The following KAT7 variants were observed in gnomAD, a reference collection of about 807,000 sequenced individuals.
KAT7 encodes histone acetyltransferase KAT7.
KAT7 carries 10 observed loss-of-function variants against 82.1 expected under a neutral mutation model. The ratio of observed to expected loss-of-function variants is 0.12; its 90% CI spans 0.08 to 0.21. The LOEUF (loss-of-function observed/expected upper bound fraction) is 0.21, where lower values mean the gene tolerates loss of function less well. KAT7 is among the 10% of genes least tolerant of loss of function. The probability of loss-of-function intolerance (pLI) is 1.00; values close to 1 mark genes in which losing one functional copy is unlikely to be tolerated. For missense variants in KAT7, 378 were observed against 760.9 expected, an observed-to-expected ratio of 0.50 and a Z score of 5.92; for synonymous variants, 250 against 262.5, an observed-to-expected ratio of 0.95 and a Z score of 0.46.
intron 9 of KAT7, 74 bp from the exon 10 acceptor site, chr17:49,821,263 A>G: frequency 2.7e-6 from 3 of 1,114,342 alleles, no homozygotes; most frequent in South Asian, 1.3e-5. Context: ...TTGACCTGTC[A>G]TTCCTTTTCC....
At chr17:49,818,167 G>T (rs1209319690) in intron 9 of KAT7, among the ~76,000 whole-genome samples, 156 bp downstream of exon 9, 2 of 152,118 alleles carry the variant, frequency 1.3e-5, no homozygotes, top group African/African-American at 4.8e-5. Context: ...AGCTTAAGGC[G>T]GGGTATAGAG....
chr17:49,800,447 A>C (rs1278050266), intron 4 of KAT7, among the ~76,000 whole-genome samples: 1 of 152,194 alleles, frequency 6.6e-6, no homozygotes, highest in Non-Finnish European at 1.5e-5. Flanking sequence ...TGGAATAAAT[A>C]ATGAGAAAAA....
chr17:49,806,577 T>C (rs1239738126), intron 5 of KAT7, among the ~76,000 whole-genome samples: 1 of 152,172 alleles, frequency 6.6e-6, no homozygotes, highest in East Asian at 1.9e-4. Flanking sequence ...TACTTCTTTC[T>C]CAGAAAATAA....
At chr17:49,803,759 A>G (rs1425431924) in intron 4 of KAT7, among the ~76,000 whole-genome samples, 1 of 152,164 alleles carries the variant, frequency 6.6e-6, no homozygotes, top group Non-Finnish European at 1.5e-5. Context: ...TCCCGGAGAA[A>G]TGATGGCCTG....
At chr17:49,806,302 A>G (rs544906958) in intron 5 of KAT7, among the ~76,000 whole-genome samples, 1 of 152,320 alleles carries the variant, frequency 6.6e-6, no homozygotes, top group South Asian at 2.1e-4. Flanking sequence ...TCTCTTATTT[A>G]CAGGTAGACC....
At chr17:49,795,453 C>A in intron 2 of KAT7, 1 of 245,308 alleles carries the variant, frequency 4.1e-6, no homozygotes, top group South Asian at 7.1e-5. Context: ...GTGGTGGAAC[C>A]AAACCCGTTC....
intron 2 of KAT7, among the ~76,000 whole-genome samples, chr17:49,792,592 C>T (rs1467420745): frequency 1.3e-5 from 2 of 152,134 alleles, no homozygotes; most frequent in Non-Finnish European, 1.5e-5. Context: ...TAACTCCAGT[C>T]AGTGAGCCGT....
intron 13 of KAT7, 95 bp downstream of exon 13, chr17:49,826,241 A>G (rs1361839329): frequency 1.2e-5 from 15 of 1,272,192 alleles, no homozygotes; most frequent in Non-Finnish European, 1.7e-5. Context: ...CGGAAGGCCC[A>G]CTGAATATGG....
rs565886660 is a variant in KAT7 at position 49,828,612 on chromosome 17, G to T, written c.*1110G>T. 1 of 152,542 alleles carries T rather than the reference G, an allele frequency of 6.6e-6. No individual in the cohort carries two copies. Among genetic ancestry groups the T allele is most frequent in the African/African-American group, 2.4e-5 (1 of 41,374 alleles). The allele number at this position is 152,542 out of a possible 1,614,324, so 9.4% of individuals were successfully genotyped here. A position where few individuals can be genotyped will look rare whatever the true frequency, so the allele number is the denominator to read the frequency against. On this transcript the variant is annotated 3_prime_UTR_variant, in exon 15 of 15. Coordinates refer to ENST00000259021, the MANE Select transcript of KAT7 (RefSeq NM_007067.5). ...GATTAAAGTGCTTCTGCCCTTCCAC[G>T]AACTCCTCCTCCATTTCCTTTTTGG...
In KAT7 at chr17:49,812,482, C is replaced by T. The variant is rs192216482; in HGVS notation, c.852+908C>T. On this transcript the variant is annotated intron_variant, in intron 7 of 14. Coordinates refer to ENST00000259021, the MANE Select transcript of KAT7 (RefSeq NM_007067.5). ...TCAGGTAATCTGCCCACCTCGGCCT[C>T]CCAAAGTGTTGGGATTACAGGCGTG... 8.5e-5 allele frequency among the ~76,000 whole-genome samples: 13 copies of T among 152,166 alleles called. No individual in the cohort carries two copies. In the East Asian group the frequency reaches 2.5e-3, roughly 30 times the overall value.
intron 4 of KAT7, among the ~76,000 whole-genome samples, chr17:49,801,829 T>C (rs2143882548): frequency 6.6e-6 from 1 of 151,974 alleles, no homozygotes; most frequent in Admixed American, 6.6e-5. Flanking sequence ...TTAAGAGTTT[T>C]ATGTACTTGT....
intron 1 of KAT7, among the ~76,000 whole-genome samples, chr17:49,791,611 T>C (rs1403354078): frequency 6.6e-6 from 1 of 152,250 alleles, no homozygotes; most frequent in East Asian, 1.9e-4. Context: ...TGAGCCACGA[T>C]TGCGCCCTTG....
intron 4 of KAT7, among the ~76,000 whole-genome samples, chr17:49,800,010 CTTTTTTT>C (rs10694119): frequency 1.0e-5 from 1 of 98,438 alleles, no homozygotes; most frequent in Non-Finnish European, 1.9e-5. Flanking sequence ...GTTTCCTGGC[CTTTTTTT>C]TTTTTTTTTT....
chr17:49,791,665 C>A lies in KAT7; in HGVS notation c.16-221C>A, dbSNP rs141915432. Among the ~76,000 whole-genome samples the A allele has an allele frequency of 5.9e-3, 899 of 152,174 alleles. 13 individuals are homozygous for A. Among genetic ancestry groups the A allele is most frequent in the African/African-American group, 0.021 (855 of 41,530 alleles). On this transcript the variant is annotated intron_variant, in intron 1 of 14. Transcript: ENST00000259021. Reference sequence around the variant, plus strand: ...GAGAGCGAATGAAACGGAAGCTCTTCATTTATTTAACAAAATTCCCTATTT... The same window carrying A: ...GAGAGCGAATGAAACGGAAGCTCTTAATTTATTTAACAAAATTCCCTATTT...
At chr17:49,822,997 G>T (rs979736800) in intron 11 of KAT7, among the ~76,000 whole-genome samples, 1 of 152,276 alleles carries the variant, frequency 6.6e-6, no homozygotes, top group East Asian at 1.9e-4. Flanking sequence ...TGACACTGGA[G>T]GTCTCAACTA....
In KAT7 at chr17:49,834,764, T is replaced by C. The variant is rs2074449896; in HGVS notation, c.*7262T>C. ...AAACACAGAGTGTTTCCAAAGTTAGTATCAGGCCAGGCATGGTGGGAGGAT... is the reference window on the plus strand; with the variant it reads ...AAACACAGAGTGTTTCCAAAGTTAGCATCAGGCCAGGCATGGTGGGAGGAT... On this transcript the variant is annotated 3_prime_UTR_variant, in exon 15 of 15. Coordinates refer to ENST00000259021, the MANE Select transcript of KAT7 (RefSeq NM_007067.5). The C allele has an allele frequency of 6.6e-6, 1 of 152,174 alleles. No individual in the cohort carries two copies. Among genetic ancestry groups the C allele is most frequent in the Admixed American group, 6.6e-5 (1 of 15,264 alleles). 9.4% of individuals were successfully genotyped at this position (152,174 alleles called of 1,614,324 possible). A position where few individuals can be genotyped will look rare whatever the true frequency, so the allele number is the denominator to read the frequency against.
chr17:49,790,791 AACAATT>A lies in KAT7; in HGVS notation c.16-1090_16-1085del, dbSNP rs545304530. On this transcript the variant is annotated intron_variant, in intron 1 of 14. Coordinates refer to ENST00000259021, the MANE Select transcript of KAT7 (RefSeq NM_007067.5). ...AAGTACTCCCCTTCTAAAAATCCAAAACAATTACAAATTCTAAACACAACTGGCCCT... is the reference window on the plus strand; with the variant it reads ...AAGTACTCCCCTTCTAAAAATCCAAAACAAATTCTAAACACAACTGGCCCT... Among the ~76,000 whole-genome samples, 19 of 152,328 alleles carry A rather than the reference AACAATT, an allele frequency of 1.2e-4. No individual in the cohort carries two copies. The South Asian group carries it at 3.7e-3, about 30-fold the overall frequency.
chr17:49,809,235 A>G (rs1403612773), intron 6 of KAT7, 27 bp downstream of exon 6: 1 of 1,575,372 alleles, frequency 6.3e-7, no homozygotes, highest in Admixed American at 1.7e-5. Flanking sequence ...AGCACTGGCC[A>G]TTCATAGTTT....
chr17:49,802,509 A>C (rs1483393664), intron 4 of KAT7, among the ~76,000 whole-genome samples: 1 of 152,116 alleles, frequency 6.6e-6, no homozygotes, highest in East Asian at 1.9e-4. Context: ...CTCTATTAAA[A>C]ATACAAAATT....
Sources: allele counts gnomAD v4.1 joint callset (sites outside exome capture counted in the v4.1 genomes callset), GRCh38; gene constraint gnomAD v4.1.1; transcripts MANE v1.5; gene names NCBI Gene and HGNC (gene_info 2026-07-23, HGNC 2026-07-21).